The following DYNC1LI2 variants were observed in gnomAD, a reference collection of about 807,000 sequenced individuals.
The protein encoded by DYNC1LI2 is dynein cytoplasmic 1 light intermediate chain 2.
A neutral mutation model predicts 57.8 loss-of-function variants in DYNC1LI2; 19 were observed. The observed-to-expected ratio is 0.33, with a 90% CI of 0.23 to 0.48. The LOEUF is 0.48. DYNC1LI2 is among the 20% of genes least tolerant of loss of function. The pLI is 0.99. For synonymous variants in DYNC1LI2, 256 were observed against 233.4 expected (o/e 1.10, Z -0.88); for missense variants, 470 against 604.2 (o/e 0.78, Z 2.33).
At position 66,730,175 on chromosome 16, in the gene DYNC1LI2, ATTTTCATGTAAAATAGCTATTTTC is replaced by A; in HGVS notation, c.954_977del (p.Lys318_Glu325del). The A allele has an allele frequency of 6.2e-7, 1 of 1,613,954 alleles. No individual in the cohort carries two copies. The highest frequency in any genetic ancestry group is 8.5e-7 in the Non-Finnish European group (1 of 1,180,012). ...CATCTTCCGGCTTCACGGTTGTAAA[ATTTTCATGTAAAATAGCTATTTTC>A]TTTTCATTGTCCCAGCCTGCAGGTC... On this transcript the variant is annotated inframe_deletion, in exon 8 of 13. Transcript: ENST00000258198.
In DYNC1LI2 at chr16:66,725,863, C is replaced by A. The variant is rs1353145964; in HGVS notation, c.1343G>T (p.Gly448Val). The change falls in exon 12 of 13, where the codon GGT (glycine) becomes GTT (valine). Residue 448 changes from glycine (G) to valine (V), a missense_variant. By Grantham distance (109) the Gly-to-Val change is moderately radical (BLOSUM62 -3). Transcript: ENST00000258198. Reference sequence around the variant, plus strand: ...GGCTGTGCTCTGCACCCCACCAGCACCAGGACTTCCAGGAGAGCCTGTCTT... The same window carrying A: ...GGCTGTGCTCTGCACCCCACCAGCAACAGGACTTCCAGGAGAGCCTGTCTT... ...SKKTGSPGSP[G>V]AGGVQSTAKK... 3 of 1,614,140 alleles carry A rather than the reference C, an allele frequency of 1.9e-6. No homozygotes were observed. Among genetic ancestry groups the A allele is most frequent in the East Asian group, 4.5e-5 (2 of 44,878 alleles).
chr16:66,738,215 G>T (rs1596993069), intron 4 of DYNC1LI2: 1 of 148,036 alleles, frequency 6.8e-6, no homozygotes, highest in East Asian at 2.0e-4. Flanking sequence ...CTAAAGTGCA[G>T]ATGTGATATT....
intron 4 of DYNC1LI2, among the ~76,000 whole-genome samples, chr16:66,741,574 T>C (rs1315010901): frequency 6.6e-6 from 1 of 152,148 alleles, no homozygotes; most frequent in Non-Finnish European, 1.5e-5. Context: ...AGTGTGAAGA[T>C]CCCGTGTGCC....
intron 11 of DYNC1LI2, among the ~76,000 whole-genome samples, chr16:66,726,959 C>A (rs1293512048): frequency 6.6e-6 from 1 of 152,006 alleles, no homozygotes; most frequent in East Asian, 1.9e-4. Context: ...CTCTGTCACC[C>A]TGGCTGGAGC....
At chr16:66,738,168 G>C (rs558294473) in intron 4 of DYNC1LI2, 2 of 150,308 alleles carry the variant, frequency 1.3e-5, no homozygotes, top group East Asian at 2.0e-4. Flanking sequence ...TGTCTTTCAT[G>C]TAACAGTGAG....
Position 66,730,168 on chromosome 16 carries a change from T to C in DYNC1LI2, c.985A>G (p.Thr329Ala), listed in dbSNP as rs758526335. 2.1e-5 allele frequency: 34 copies of C among 1,613,886 alleles called. No individual in the cohort carries two copies. The highest frequency in any genetic ancestry group is 2.7e-5 in the Non-Finnish European group (32 of 1,180,000). ...TCATATGCATCTTCCGGCTTCACGG[T>C]TGTAAAATTTTCATGTAAAATAGCT... ...KIAILHENFT[T>A]VKPEDAYEDF... The change falls in exon 8 of 13, where the codon ACC (threonine) becomes GCC (alanine). Residue 329 changes from threonine to alanine, a missense_variant. Thr to Ala is a moderately conservative substitution (Grantham distance 58, BLOSUM62 0). Coordinates refer to ENST00000258198, the MANE Select transcript of DYNC1LI2 (RefSeq NM_006141.3).
Position 66,721,090 on chromosome 16 carries a change from A to T in DYNC1LI2, c.*2632T>A, listed in dbSNP as rs2017444427. On this transcript the variant is annotated 3_prime_UTR_variant, in exon 13 of 13. Coordinates refer to ENST00000258198, the MANE Select transcript of DYNC1LI2 (RefSeq NM_006141.3). ...CCAATAAATTTAGTATACAGACGAC[A>T]GTGAACTTTCACTTACAGCATTAAC... 6.6e-6 allele frequency: 1 copy of T among 152,666 alleles called. No homozygotes were observed. Among genetic ancestry groups the T allele is most frequent in the Non-Finnish European group, 1.5e-5 (1 of 68,040 alleles). 9.5% of individuals were successfully genotyped at this position (152,666 alleles called of 1,614,324 possible).
intron 6 of DYNC1LI2, chr16:66,733,909 C>T (rs1428736339): frequency 3.2e-6 from 1 of 309,758 alleles, no homozygotes; most frequent in African/African-American, 2.2e-5. Context: ...CAGCTATAAT[C>T]CCAGCACTTT....
intron 12 of DYNC1LI2, 37 bp downstream of exon 12, chr16:66,725,791 A>C (rs2017526917): frequency 6.3e-7 from 1 of 1,599,482 alleles, no homozygotes; most frequent in Non-Finnish European, 8.5e-7. Flanking sequence ...GCACTACTCA[A>C]CCACAAGAGT....
chr16:66,746,220 A>T (rs1156815089), intron 3 of DYNC1LI2, among the ~76,000 whole-genome samples: 1 of 151,924 alleles, frequency 6.6e-6, no homozygotes, highest in Non-Finnish European at 1.5e-5. Context: ...CTCTCTCCCC[A>T]CTGCCCACTA....
chr16:66,723,929 C>T (rs1182951584), intron 12 of DYNC1LI2, 107 bp from the exon 13 acceptor site: 4 of 886,576 alleles, frequency 4.5e-6, no homozygotes, highest in Non-Finnish European at 6.7e-6. Flanking sequence ...CACTTGATGA[C>T]AGTAACCTTA....
intron 3 of DYNC1LI2, among the ~76,000 whole-genome samples, chr16:66,743,859 C>T (rs534994919): frequency 7.2e-5 from 11 of 152,162 alleles, no homozygotes; most frequent in South Asian, 2.1e-4. Context: ...AATTACCAGA[C>T]GCCTAATTAT....
intron 7 of DYNC1LI2, 44 bp downstream of exon 7, chr16:66,732,295 C>T (rs1488419470): frequency 5.6e-6 from 9 of 1,597,194 alleles, no homozygotes; most frequent in Non-Finnish European, 7.7e-6. Context: ...AGCAAATGTA[C>T]TTTAAAAAGA....
At chr16:66,725,686 C>A in intron 12 of DYNC1LI2, 142 bp downstream of exon 12, 1 of 778,962 alleles carries the variant, frequency 1.3e-6, no homozygotes, top group Non-Finnish European at 2.1e-6. Flanking sequence ...AAGCACGGCA[C>A]ACTGCTCAGT....
chr16:66,741,946 G>A (rs905985834), intron 4 of DYNC1LI2, among the ~76,000 whole-genome samples: 16 of 140,134 alleles, frequency 1.1e-4, no homozygotes, highest in African/African-American at 3.9e-4. Flanking sequence ...AACTAAAATC[G>A]TATTTTGCTG....
intron 4 of DYNC1LI2, among the ~76,000 whole-genome samples, chr16:66,742,045 T>C (rs922143843): frequency 6.6e-6 from 1 of 152,142 alleles, no homozygotes; most frequent in Non-Finnish European, 1.5e-5. Flanking sequence ...AGGGCCTTAA[T>C]GGAATTCCAG....
chr16:66,736,072 C>T lies in DYNC1LI2; in HGVS notation c.699+3G>A, dbSNP rs143619532. The T allele has an allele frequency of 1.8e-4, 283 of 1,612,398 alleles. 2 individuals are homozygous for T. The East Asian group carries it at 6.2e-3, about 35-fold the overall frequency. ...GCCAAGCCAACAACCCCCTGGCACACACCTTTGTGCACACCACCAACACCG... is the reference window on the plus strand; with the variant it reads ...GCCAAGCCAACAACCCCCTGGCACATACCTTTGTGCACACCACCAACACCG... On this transcript the variant is annotated splice_donor_region_variant and intron_variant, in intron 5 of 12. Transcript: ENST00000258198.
At chr16:66,739,440 TATTTATTTAATTGTTTTTGAG>T (rs2017797961) in intron 4 of DYNC1LI2, 1 of 152,232 alleles carries the variant, frequency 6.6e-6, no homozygotes, top group African/African-American at 2.4e-5. Context: ...CATTTTATTT[TATTTATTTAATTGTTTTTGAG>T]ATAGAGTCTT....
chr16:66,739,552 C>T (rs938309357), intron 4 of DYNC1LI2, among the ~76,000 whole-genome samples: 107 of 152,150 alleles, frequency 7.0e-4, no homozygotes, highest in Non-Finnish European at 1.9e-4. Flanking sequence ...ATCAATTTGT[C>T]TGCCTCCGAG....
Sources: allele counts gnomAD v4.1 joint callset (sites outside exome capture counted in the v4.1 genomes callset), GRCh38; gene constraint gnomAD v4.1.1; transcripts MANE v1.5; gene names NCBI Gene and HGNC (gene_info 2026-07-23, HGNC 2026-07-21).